Variants in AFF1 observed in about 807,000 individuals in gnomAD.
AFF1 encodes ALF transcription elongation factor 1.
Under a neutral mutation model 121.7 loss-of-function variants are expected in AFF1, and 48 were observed. The ratio of observed to expected loss-of-function variants is 0.39; its 90% CI spans 0.31 to 0.50. The LOEUF is 0.50. AFF1 is among the 20% of genes least tolerant of loss of function. The probability of loss-of-function intolerance (pLI) is 0.76; values close to 1 mark genes in which losing one functional copy is unlikely to be tolerated. For synonymous variants in AFF1, 613 were observed against 563.0 expected (o/e 1.09, Z -1.26); for missense variants, 1,523 against 1,511.7 (o/e 1.01, Z -0.12).
In AFF1 at chr4:87,105,689, G is replaced by A; in HGVS notation, c.1338+7G>A. 1 of 1,614,170 alleles carries A rather than the reference G, an allele frequency of 6.2e-7. No homozygotes were observed. The highest frequency in any genetic ancestry group is 2.2e-5 in the East Asian group (1 of 44,884). On this transcript the variant is annotated splice_region_variant and intron_variant, in intron 9 of 20. Transcript: ENST00000395146. ...GGACAGTGACAGTGAACAAGTAAGT[G>A]TTGCACAGCCTGTAATACCAGGAGT...
chr4:87,114,315 T>C (rs1578278199), intron 11 of AFF1, 52 bp from the exon 12 acceptor site: 1 of 1,480,752 alleles, frequency 6.8e-7, no homozygotes, highest in Non-Finnish European at 9.0e-7. Context: ...CACAAAAGAA[T>C]AATTTGTCAT....
Position 87,037,985 on chromosome 4 carries a change from C to G in AFF1, c.39-8181C>G, listed in dbSNP as rs905647678. Among the ~76,000 whole-genome samples, 7 of 120,378 alleles carry G rather than the reference C, an allele frequency of 5.8e-5. No individual in the cohort carries two copies. In the South Asian group the frequency reaches 2.2e-3, roughly 37 times the overall value. 79.0% of individuals were successfully genotyped at this position (120,378 alleles called of 152,430 possible). A position where few individuals can be genotyped will look rare whatever the true frequency, so the allele number is the denominator to read the frequency against. On this transcript the variant is annotated intron_variant, in intron 2 of 20. Transcript: ENST00000395146. The stretch of plus-strand genomic sequence containing the variant: ...TCACATAAAACTTTAAAAATAAATA[C>G]TATAATAAATTATAATAAGACTGAG...
At chr4:86,990,563 A>G (rs1194825730) in intron 2 of AFF1, among the ~76,000 whole-genome samples, 1 of 152,186 alleles carries the variant, frequency 6.6e-6, no homozygotes, top group Non-Finnish European at 1.5e-5. Context: ...GGTGCCATTC[A>G]TGAGCAACAC....
intron 2 of AFF1, among the ~76,000 whole-genome samples, chr4:86,951,595 TTTTTTTC>T: frequency 6.8e-6 from 1 of 146,578 alleles, no homozygotes; most frequent in African/African-American, 2.6e-5. Context: ...TTAGGGAACT[TTTTTTTC>T]TTTTTCTTTT....
At position 86,947,624 on chromosome 4, in the gene AFF1, A is replaced by G. The variant is rs551004583; in HGVS notation, c.-36-874A>G. Among the ~76,000 whole-genome samples the G allele has an allele frequency of 2.6e-5, 4 of 152,336 alleles. No individual in the cohort carries two copies. The South Asian group carries it at 8.3e-4, about 32-fold the overall frequency. On this transcript the variant is annotated intron_variant, in intron 1 of 20. Coordinates refer to ENST00000395146, the MANE Select transcript of AFF1 (RefSeq NM_001166693.3). Reference sequence around the variant, plus strand: ...ATTTAATGCAAGTTAGGATAAGTGTAGTCAATTTATAAATACTCACTAGAG... The same window carrying G: ...ATTTAATGCAAGTTAGGATAAGTGTGGTCAATTTATAAATACTCACTAGAG...
At chr4:86,986,295 C>T (rs1052741712) in intron 2 of AFF1, among the ~76,000 whole-genome samples, 5 of 152,096 alleles carry the variant, frequency 3.3e-5, no homozygotes, top group Non-Finnish European at 5.9e-5. Flanking sequence ...TGGTCTTGAA[C>T]ACCTGACCTC....
chr4:87,071,024 A>T (rs528458660), intron 4 of AFF1, among the ~76,000 whole-genome samples: 1 of 151,992 alleles, frequency 6.6e-6, no homozygotes, highest in Admixed American at 6.6e-5. Context: ...AGAACCCCCA[A>T]TTTTTTCTTT....
intron 2 of AFF1, chr4:87,036,837 T>TCCCCC (rs757984901): frequency 2.1e-6 from 1 of 475,358 alleles, no homozygotes; most frequent in Non-Finnish European, 4.1e-6. Flanking sequence ...CCCTCCCCCA[T>TCCCCC]CCCCCCTTTT....
Position 86,965,077 on chromosome 4 carries a change from G to A in AFF1, c.38+16506G>A, listed in dbSNP as rs149951351. 1.2e-3 allele frequency among the ~76,000 whole-genome samples: 176 copies of A among 152,258 alleles called. 1 individual carries two copies. The highest frequency in any genetic ancestry group is 4.0e-3 in the African/African-American group (165 of 41,566). On this transcript the variant is annotated intron_variant, in intron 2 of 20. Coordinates refer to ENST00000395146, the MANE Select transcript of AFF1 (RefSeq NM_001166693.3). Reference sequence around the variant, plus strand: ...ATGGGTATTTATTTGACCTTTCTTAGAAAAACAACCCAAAGTTCTTACTCT... The same window carrying A: ...ATGGGTATTTATTTGACCTTTCTTAAAAAAACAACCCAAAGTTCTTACTCT...
chr4:87,126,941 T>G (rs1728305243), intron 14 of AFF1, 85 bp from the exon 15 acceptor site: 2 of 1,142,716 alleles, frequency 1.8e-6, no homozygotes, highest in Non-Finnish European at 2.6e-6. Context: ...AACTACTATT[T>G]CGGGCTATTT....
intron 8 of AFF1, among the ~76,000 whole-genome samples, chr4:87,099,470 G>A (rs915941594): frequency 6.6e-6 from 1 of 152,072 alleles, no homozygotes; most frequent in African/African-American, 2.4e-5. Context: ...AGTGCAGTGG[G>A]GTGACCTCGG....
intron 11 of AFF1, among the ~76,000 whole-genome samples, chr4:87,111,448 G>A (rs1271747894): frequency 2.0e-5 from 3 of 151,856 alleles, no homozygotes; most frequent in East Asian, 1.9e-4. Flanking sequence ...CTGCCTCCCG[G>A]GTTCAAGTGA....
chr4:86,947,000 A>G (rs2149448116), intron 1 of AFF1, among the ~76,000 whole-genome samples: 1 of 152,308 alleles, frequency 6.6e-6, no homozygotes, highest in Middle Eastern at 3.4e-3. Context: ...TGTTTTATTG[A>G]TCACTTACTG....
chr4:87,126,102 C>T lies in AFF1; in HGVS notation c.2577C>T (p.Pro859=), dbSNP rs201348911. 1.1e-5 allele frequency: 18 copies of T among 1,614,008 alleles called. No individual in the cohort carries two copies. The African/African-American group carries it at 1.2e-4, about 11-fold the overall frequency. Residue 859 remains proline, a synonymous_variant, in exon 14 of 21, where the codon CCC becomes CCT. Transcript: ENST00000395146. Reference sequence around the variant, plus strand: ...TTTACGTGATGTTTCACTCCAGGCCCTCCAGGCCCTCCTCACAGTCCTCAA... The same window carrying T: ...TTTACGTGATGTTTCACTCCAGGCCTTCCAGGCCCTCCTCACAGTCCTCAA... The part of the protein sequence containing the change: ...SSHKESSKTK[P]SRPSSQSSKK...
rs1268357878 is a variant in AFF1 at position 87,111,233 on chromosome 4, G to A, written c.1533+2918G>A. ...GGGGTTTCACCGTGTTAGCCAGGAT[G>A]GTCTCGATCTCCTGACCTCGTGATC... On this transcript the variant is annotated intron_variant, in intron 11 of 20. Transcript: ENST00000395146. 6.3e-5 allele frequency among the ~76,000 whole-genome samples: 2 copies of A among 31,686 alleles called. 1 individual carries two copies. Among genetic ancestry groups the A allele is most frequent in the Non-Finnish European group, 1.6e-4 (2 of 12,650 alleles). The allele number at this position is 31,686 out of a possible 152,430, so 20.8% of individuals were successfully genotyped here.
chr4:86,953,758 C>T (rs1436426879), intron 2 of AFF1, among the ~76,000 whole-genome samples: 1 of 151,108 alleles, frequency 6.6e-6, no homozygotes, highest in African/African-American at 2.4e-5. Context: ...TTGCTCTTGT[C>T]GCCCAGGCTG....
intron 12 of AFF1, among the ~76,000 whole-genome samples, chr4:87,120,052 C>T (rs1035698053): frequency 2.6e-5 from 4 of 152,208 alleles, no homozygotes; most frequent in Non-Finnish European, 5.9e-5. Context: ...TAAATTTCTT[C>T]GTGCCTGTTA....
rs397994396 is a variant in AFF1 at position 87,115,625 on chromosome 4, T to TTTTTTC, written c.2466+326_2466+327insTTTTTC. Among the ~76,000 whole-genome samples the TTTTTTC allele has an allele frequency of 5.8e-5, 6 of 103,036 alleles. No individual in the cohort carries two copies. The East Asian group carries it at 1.8e-3, about 31-fold the overall frequency. The allele number at this position is 103,036 out of a possible 152,430, so 67.6% of individuals were successfully genotyped here. A position where few individuals can be genotyped will look rare whatever the true frequency, so the allele number is the denominator to read the frequency against. On this transcript the variant is annotated intron_variant, in intron 12 of 20. Coordinates refer to ENST00000395146, the MANE Select transcript of AFF1 (RefSeq NM_001166693.3). The stretch of plus-strand genomic sequence containing the variant: ...AACCCACCTCTTTTTTTTTTTTTTT[T>TTTTTTC]CCAAAGACAGGCCCTTGCTCTGTTG...
At chr4:87,063,755 T>C (rs1721053744) in intron 4 of AFF1, among the ~76,000 whole-genome samples, 1 of 152,238 alleles carries the variant, frequency 6.6e-6, no homozygotes, top group Non-Finnish European at 1.5e-5. Flanking sequence ...TATGTTTGCC[T>C]GACATTTAGT....
Sources: allele counts gnomAD v4.1 joint callset (sites outside exome capture counted in the v4.1 genomes callset), GRCh38; gene constraint gnomAD v4.1.1; transcripts MANE v1.5; gene names NCBI Gene and HGNC (gene_info 2026-07-23, HGNC 2026-07-21).